The following TSPAN15 variants were observed in gnomAD, a reference collection of about 807,000 sequenced individuals.
TSPAN15 encodes tetraspanin 15, also known as tetraspanin-15.
TSPAN15 carries 20 observed loss-of-function variants against 34.5 expected under a neutral mutation model. The observed-to-expected ratio is 0.58, with a 90% confidence interval of 0.41 to 0.84. The LOEUF is 0.84. TSPAN15 is among the 40% of genes least tolerant of loss of function. The pLI is 0.00. For missense variants in TSPAN15, 313 were observed against 386.1 expected (o/e 0.81, Z 1.59); for synonymous variants, 155 against 153.9 (o/e 1.01, Z -0.05).
downstream of TSPAN15, among the ~76,000 whole-genome samples, chr10:69,507,974 C>T (rs567440304): frequency 1.3e-5 from 2 of 152,128 alleles, no homozygotes; most frequent in African/African-American, 4.8e-5. Context: ...CTACCGCGCT[C>T]CCTGCAGCCC....
chr10:69,467,182 C>A (rs1483667496), intron 1 of TSPAN15, among the ~76,000 whole-genome samples: 1 of 152,182 alleles, frequency 6.6e-6, no homozygotes, highest in African/African-American at 2.4e-5. Context: ...CTTCCCCATG[C>A]AGTGAGGGGC....
chr10:69,533,857 T>C, the TSPAN15 span, among the ~76,000 whole-genome samples: 1 of 152,258 alleles, frequency 6.6e-6, no homozygotes, highest in East Asian at 1.9e-4. Context: ...AGGTAGATAG[T>C]GTCAGAATTG....
Position 69,506,348 on chromosome 10 carries a change from TG to T in TSPAN15, c.735+109del. On this transcript the variant is annotated intron_variant, in intron 7 of 7. Transcript: ENST00000373290. The surrounding 1 kb of genome is among the most constrained non-coding windows in gnomAD (Gnocchi z 4.7). ...GCTTTTTTCATAGAAGTCCAGGACT[TG>T]CCTGGGGAGGGCTGCATGGCTGGAA... 9.3e-7 allele frequency: 1 copy of T among 1,080,780 alleles called. No homozygotes were observed. Among genetic ancestry groups the T allele is most frequent in the Non-Finnish European group, 1.4e-6 (1 of 728,458 alleles). The allele number at this position is 1,080,780 out of a possible 1,614,324, so 66.9% of individuals were successfully genotyped here.
chr10:69,462,155 G>GTTTTTTTTTTTTT (rs755068937), intron 1 of TSPAN15, among the ~76,000 whole-genome samples: 23 of 82,700 alleles, frequency 2.8e-4, no homozygotes, highest in African/African-American at 9.9e-4. Flanking sequence ...TAATTTTAAA[G>GTTTTTTTTTTTTT]TTTTTTTTTT....
chr10:69,507,196 A>T lies in TSPAN15; in HGVS notation c.*218A>T. The T allele has an allele frequency of 7.1e-7, 1 of 1,415,724 alleles. No individual in the cohort carries two copies. The highest frequency in any genetic ancestry group is 9.2e-7 in the Non-Finnish European group (1 of 1,090,804). The allele number at this position is 1,415,724 out of a possible 1,614,324, so 87.7% of individuals were successfully genotyped here. On this transcript the variant is annotated 3_prime_UTR_variant, in exon 8 of 8. Coordinates refer to ENST00000373290, the MANE Select transcript of TSPAN15 (RefSeq NM_012339.5). ...AGGCTTTCCCCGAGGCAGCTCTGGA[A>T]TCTGTGCCCACCTGGGGCCTGGGGA... is the stretch of plus-strand genomic sequence containing the variant.
At chr10:69,490,607 G>A (rs1310321277) in intron 3 of TSPAN15, among the ~76,000 whole-genome samples, 1 of 152,198 alleles carries the variant, frequency 6.6e-6, no homozygotes, top group East Asian at 1.9e-4. Flanking sequence ...TGTAATCCCA[G>A]CTACTAGGGA....
At chr10:69,502,525 TC>T in intron 5 of TSPAN15, among the ~76,000 whole-genome samples, 1 of 152,322 alleles carries the variant, frequency 6.6e-6, no homozygotes, top group South Asian at 2.1e-4. Context: ...CCTTCTGACT[TC>T]CTGTCCTGTG....
chr10:69,515,590 C>G, the TSPAN15 span, among the ~76,000 whole-genome samples: 1 of 152,224 alleles, frequency 6.6e-6, no homozygotes, highest in African/African-American at 2.4e-5. Flanking sequence ...CCAGCAACCT[C>G]AGATCCTGAC....
chr10:69,547,801 C>A, the TSPAN15 span, among the ~76,000 whole-genome samples: 3,635 of 152,292 alleles, frequency 0.024, 132 homozygotes, highest in African/African-American at 0.078. Context: ...AGGCCTTCTA[C>A]CCTGATGACT....
downstream of TSPAN15, among the ~76,000 whole-genome samples, chr10:69,509,017 T>C (rs1054452192): frequency 6.6e-6 from 1 of 152,236 alleles, no homozygotes; most frequent in Admixed American, 6.5e-5. Context: ...AAGCTCTGTG[T>C]CTGGCTGGAG....
chr10:69,534,273 T>C, the TSPAN15 span, among the ~76,000 whole-genome samples: 1 of 152,192 alleles, frequency 6.6e-6, no homozygotes, highest in African/African-American at 2.4e-5. Context: ...ATGTGGGAAC[T>C]CAGGGAACAT....
At chr10:69,549,222 T>C in the TSPAN15 span, among the ~76,000 whole-genome samples, 1 of 152,238 alleles carries the variant, frequency 6.6e-6, no homozygotes, top group South Asian at 2.1e-4. Context: ...ATTAACCCTG[T>C]TCTGGGAAGG....
the TSPAN15 span, among the ~76,000 whole-genome samples, chr10:69,529,214 G>A: frequency 1.4e-5 from 2 of 147,728 alleles, no homozygotes; most frequent in Middle Eastern, 3.4e-3. Context: ...TACAGTTTGG[G>A]TGGCTGCAGT....
chr10:69,452,401 CTG>C, intron 1 of TSPAN15, among the ~76,000 whole-genome samples: 1 of 152,184 alleles, frequency 6.6e-6, no homozygotes, highest in Non-Finnish European at 1.5e-5. Flanking sequence ...TTGCTAATCT[CTG>C]TATCGTTCCA....
the TSPAN15 span, among the ~76,000 whole-genome samples, chr10:69,532,487 A>T: frequency 6.6e-6 from 1 of 152,206 alleles, no homozygotes; most frequent in Non-Finnish European, 1.5e-5. Flanking sequence ...ATGTAGGAGA[A>T]TGAAACTCGA....
chr10:69,544,106 A>G, the TSPAN15 span, among the ~76,000 whole-genome samples: 2 of 152,104 alleles, frequency 1.3e-5, no homozygotes, highest in South Asian at 2.1e-4. Context: ...GTGGTGCAGA[A>G]GAGGCCCCAG....
chr10:69,537,220 C>G, the TSPAN15 span, among the ~76,000 whole-genome samples: 1 of 152,136 alleles, frequency 6.6e-6, no homozygotes, highest in Non-Finnish European at 1.5e-5. Context: ...ACCGTTCACC[C>G]TCATGACCAT....
chr10:69,468,272 C>T (rs1841431390), intron 1 of TSPAN15, among the ~76,000 whole-genome samples: 2 of 152,232 alleles, frequency 1.3e-5, no homozygotes, highest in Admixed American at 1.3e-4. Flanking sequence ...AGACCCCCAG[C>T]TGGCTGCCCA....
At chr10:69,465,448 C>T (rs950681585) in intron 1 of TSPAN15, among the ~76,000 whole-genome samples, 1 of 152,168 alleles carries the variant, frequency 6.6e-6, no homozygotes, top group Admixed American at 6.5e-5. Context: ...CAGGAATTCC[C>T]CCACACTCTG....
Sources: allele counts gnomAD v4.1 joint callset (sites outside exome capture counted in the v4.1 genomes callset), GRCh38; gene constraint gnomAD v4.1.1; non-coding constraint Gnocchi (gnomAD v3.1); transcripts MANE v1.5; gene names NCBI Gene and HGNC (gene_info 2026-07-23, HGNC 2026-07-21).